CDH22: variants seen among roughly 807,000 people sequenced by gnomAD.
CDH22 encodes the protein cadherin-22.
Under a neutral mutation model 58.4 loss-of-function variants are expected in CDH22, and 30 were observed. That is an observed-to-expected ratio of 0.51 (90% CI 0.38 to 0.70). CDH22 has a LOEUF of 0.70. CDH22 is among the 30% of genes least tolerant of loss of function. CDH22 has a pLI of 0.00. For synonymous variants in CDH22, 513 were observed against 558.2 expected, an observed-to-expected ratio of 0.92 and a Z score of 1.14; for missense variants, 1,014 against 1,233.9, an observed-to-expected ratio of 0.82 and a Z score of 2.67.
At position 46,174,976 on chromosome 20, in the gene CDH22, C is replaced by T. The variant is rs2085727861; in HGVS notation, c.2017G>A (p.Glu673Lys). 2.5e-6 allele frequency: 4 copies of T among 1,605,768 alleles called. No homozygotes were observed. The highest frequency in any genetic ancestry group is 2.5e-6 in the Non-Finnish European group (3 of 1,179,446). The change falls in exon 12 of 12, where the codon GAA (glutamate) becomes AAA (lysine). Residue 673 changes from glutamate to lysine, a missense_variant. This residue lies in a region of CDH22 where 806 missense variants were observed against 1,038.7 expected (regional missense o/e 0.78). Transcript: ENST00000537909. This position sits in a 1 kb window ranked among gnomAD's most constrained non-coding sequence, Gnocchi z 4.4. ...TCGGTGTCCTGCTCGCCGCCGCCTT[C>T]GTCGTTGTATTTGATGACGTTGTCC... ...MRDNVIKYND[E>K]GGGEQDTEAY...
intron 4 of CDH22, among the ~76,000 whole-genome samples, chr20:46,226,377 C>T (rs960085661): frequency 7.9e-5 from 12 of 151,450 alleles, no homozygotes; most frequent in Non-Finnish European, 1.3e-4. Context: ...CCTCGACCTC[C>T]TGGGCTCAAG....
intron 1 of CDH22, among the ~76,000 whole-genome samples, chr20:46,254,764 G>C (rs1846879637): frequency 6.6e-6 from 1 of 152,048 alleles, no homozygotes; most frequent in African/African-American, 2.4e-5. Context: ...AGGGAGGGAG[G>C]GCCTCTCAGA....
intron 1 of CDH22, among the ~76,000 whole-genome samples, chr20:46,294,506 C>T (rs2086619998): frequency 6.6e-6 from 1 of 152,186 alleles, no homozygotes; most frequent in South Asian, 2.1e-4. Flanking sequence ...GACAAGTTAA[C>T]AGCTCAATTG....
chr20:46,296,749 T>G (rs1458910351), intron 1 of CDH22, among the ~76,000 whole-genome samples: 2 of 152,004 alleles, frequency 1.3e-5, no homozygotes, highest in African/African-American at 2.4e-5. Context: ...ACTGCTGTCT[T>G]AGGAGCCTCT....
In CDH22 at chr20:46,244,008, C is replaced by T. The variant is rs552155046; in HGVS notation, c.256-2751G>A. On this transcript the variant is annotated intron_variant, in intron 2 of 11. Transcript: ENST00000537909. ...GATTTGTGAATTTTACCTCTCTGAG[C>T]CCCTGTGTTTCCACCTGAGAAATCA... is the stretch of plus-strand genomic sequence containing the variant. 1.7e-4 allele frequency among the ~76,000 whole-genome samples: 26 copies of T among 152,300 alleles called. No individual in the cohort carries two copies. The South Asian group carries it at 4.1e-3, about 24-fold the overall frequency.
At chr20:46,246,345 C>T (rs965514353) in intron 2 of CDH22, among the ~76,000 whole-genome samples, 1 of 152,236 alleles carries the variant, frequency 6.6e-6, no homozygotes, top group African/African-American at 2.4e-5. Flanking sequence ...CTCCTCCCCA[C>T]TTTAATCCTG....
At chr20:46,288,476 A>C (rs6017766) in intron 1 of CDH22, among the ~76,000 whole-genome samples, 4,643 of 152,230 alleles carry the variant, frequency 0.03, 238 homozygotes, top group African/African-American at 0.11. Context: ...GATGACACCC[A>C]AATATGTGTG....
intron 8 of CDH22, among the ~76,000 whole-genome samples, chr20:46,194,106 C>T (rs2145663288): frequency 6.6e-6 from 1 of 152,314 alleles, no homozygotes; most frequent in Non-Finnish European, 1.5e-5. Context: ...CCCTGCTCCT[C>T]AGGAATCGCC....
At position 46,212,927 on chromosome 20, in the gene CDH22, C is replaced by G. The variant is rs938521577; in HGVS notation, c.1032+68G>C. 4.4e-6 allele frequency: 6 copies of G among 1,376,042 alleles called. No individual in the cohort carries two copies. The African/African-American group carries it at 8.5e-5, about 19-fold the overall frequency. The allele number at this position is 1,376,042 out of a possible 1,614,324, so 85.2% of individuals were successfully genotyped here. ...GGAGTGAGGTGGGGGTATTCGGCTG[C>G]CCAGAGGCCTCCCTGATCCTCCCAC... On this transcript the variant is annotated intron_variant, in intron 6 of 11. Coordinates refer to ENST00000537909, the MANE Select transcript of CDH22 (RefSeq NM_021248.3).
At chr20:46,233,810 C>A (rs1015356490) in intron 3 of CDH22, among the ~76,000 whole-genome samples, 2 of 152,274 alleles carry the variant, frequency 1.3e-5, no homozygotes. Context: ...CCCGTTCCCC[C>A]CAGCACGGGT....
At chr20:46,177,886 A>G in intron 11 of CDH22, 60 bp downstream of exon 11, 1 of 1,586,428 alleles carries the variant, frequency 6.3e-7, no homozygotes, top group Non-Finnish European at 8.6e-7. Flanking sequence ...TTAGGAAGGA[A>G]ACCCAGGACG....
At chr20:46,261,111 C>G (rs2145747636) in intron 1 of CDH22, among the ~76,000 whole-genome samples, 1 of 152,322 alleles carries the variant, frequency 6.6e-6, no homozygotes, top group South Asian at 2.1e-4. Context: ...TAATTTGCTT[C>G]CTTTCTCTGA....
intron 3 of CDH22, among the ~76,000 whole-genome samples, chr20:46,228,379 G>A (rs1159919787): frequency 6.6e-6 from 1 of 152,222 alleles, no homozygotes; most frequent in African/African-American, 2.4e-5. Flanking sequence ...GTAGACTGCT[G>A]GGGAGAGTAT....
intron 1 of CDH22, among the ~76,000 whole-genome samples, chr20:46,287,609 G>T (rs534751449): frequency 6.6e-6 from 1 of 151,972 alleles, no homozygotes; most frequent in South Asian, 2.1e-4. Context: ...GAGCAATGGG[G>T]AAGAAGGCCG....
At chr20:46,214,337 G>A (rs2145693208) in intron 5 of CDH22, among the ~76,000 whole-genome samples, 1 of 152,298 alleles carries the variant, frequency 6.6e-6, no homozygotes. Flanking sequence ...GGTCTGTGGG[G>A]ATGTGTCTCT....
intron 7 of CDH22, among the ~76,000 whole-genome samples, chr20:46,208,502 C>T (rs760773117): frequency 1.9e-4 from 29 of 152,180 alleles, no homozygotes; most frequent in Non-Finnish European, 3.4e-4. Flanking sequence ...CAGTCTCTTC[C>T]TCTCATTGTT....
chr20:46,278,041 C>G (rs1485750298), intron 1 of CDH22, among the ~76,000 whole-genome samples: 2 of 151,654 alleles, frequency 1.3e-5, no homozygotes, highest in African/African-American at 4.8e-5. Flanking sequence ...AAGGAAGGAT[C>G]CTCCGTGATG....
intron 5 of CDH22, among the ~76,000 whole-genome samples, chr20:46,214,265 A>G (rs2086066066): frequency 1.3e-5 from 2 of 152,108 alleles, no homozygotes; most frequent in African/African-American, 4.8e-5. Flanking sequence ...TTGCTCTCCA[A>G]CCAGAGCTGA....
intron 2 of CDH22, among the ~76,000 whole-genome samples, chr20:46,250,162 G>C (rs2086359940): frequency 6.6e-6 from 1 of 152,174 alleles, no homozygotes; most frequent in South Asian, 2.1e-4. Context: ...TAGATCTTCA[G>C]CCAGATTTAC....
Sources: gnomAD v4.1 joint callset for allele counts (sites outside exome capture counted in the v4.1 genomes callset) on GRCh38, gnomAD v4.1.1 for gene constraint, gnomAD v4.1.1 regional missense constraint, Gnocchi (gnomAD v3.1) non-coding constraint, MANE v1.5 for transcripts, NCBI Gene and HGNC (gene_info 2026-07-23, HGNC 2026-07-21) for gene names.